The following TMEM273 variants were observed in gnomAD, a reference collection of about 807,000 sequenced individuals.
The protein encoded by TMEM273 is chromosome 10 open reading frame 128.
In TMEM273, 19 loss-of-function variants were observed where a neutral mutation model predicts 17.9. The observed-to-expected ratio is 1.06, with a 90% CI of 0.74 to 1.55. The LOEUF (loss-of-function observed/expected upper bound fraction) is 1.55. Ranked by LOEUF, TMEM273 falls within the 40% of genes most tolerant of loss-of-function variation. The pLI, the probability that TMEM273 is intolerant of heterozygous loss-of-function variation, is 0.00. For missense variants in TMEM273, 194 were observed against 155.6 expected (o/e 1.25, Z -1.31); for synonymous variants, 66 against 62.0 (o/e 1.07, Z -0.31).
intron 1 of TMEM273, among the ~76,000 whole-genome samples, chr10:49,181,387 A>G (rs948605127): frequency 2.6e-5 from 4 of 152,240 alleles, no homozygotes; most frequent in African/African-American, 9.6e-5. Flanking sequence ...TGGAAAGATA[A>G]AGGAAAGAGA....
intron 2 of TMEM273, among the ~76,000 whole-genome samples, chr10:49,167,243 C>T (rs1282053648): frequency 6.6e-6 from 1 of 152,230 alleles, no homozygotes; most frequent in Non-Finnish European, 1.5e-5. Context: ...CTGAAGCTCA[C>T]CTGGCTACCC....
Position 49,155,304 on chromosome 10 carries a change from A to T in TMEM273, c.*588T>A, listed in dbSNP as rs995020716. On this transcript the variant is annotated 3_prime_UTR_variant, in exon 7 of 7. Coordinates refer to ENST00000374153, the MANE Select transcript of TMEM273 (RefSeq NM_001288740.3). ...CATGAACACCAAAGCCCTTCCTACC[A>T]CGCCAGCCCAGACTGCCATTTCCCC... is the stretch of plus-strand genomic sequence containing the variant. 1 of 153,438 alleles carries T rather than the reference A, an allele frequency of 6.5e-6. No individual in the cohort carries two copies. Among genetic ancestry groups the T allele is most frequent in the Non-Finnish European group, 1.5e-5 (1 of 68,958 alleles). The allele number at this position is 153,438 out of a possible 1,614,324, so 9.5% of individuals were successfully genotyped here.
Position 49,167,135 on chromosome 10 carries a change from C to T in TMEM273, c.98-126G>A. On this transcript the variant is annotated intron_variant, in intron 2 of 6. Transcript: ENST00000374153. ...ACCTCCCACTGGCTGAGGCCAGCCT[C>T]ACCTTCTACTCTCCCATGAGTCCCT... 5.4e-6 allele frequency: 7 copies of T among 1,293,938 alleles called. No homozygotes were observed. In the South Asian group the frequency reaches 9.9e-5, roughly 18 times the overall value. The allele number at this position is 1,293,938 out of a possible 1,614,324, so 80.2% of individuals were successfully genotyped here.
chr10:49,169,092 C>T (rs1026661653), intron 1 of TMEM273, among the ~76,000 whole-genome samples: 2 of 152,168 alleles, frequency 1.3e-5, no homozygotes, highest in South Asian at 2.1e-4. Context: ...GGCCTACAGA[C>T]GTGAATGTGA....
chr10:49,170,418 G>C (rs906853642), intron 1 of TMEM273, among the ~76,000 whole-genome samples: 1 of 152,066 alleles, frequency 6.6e-6, no homozygotes, highest in Non-Finnish European at 1.5e-5. Context: ...GGGACCCCTG[G>C]CTGAGGTTCA....
rs77247121 is a variant in TMEM273 at position 49,167,830 on chromosome 10, C to T, written c.97+79G>A. The T allele has an allele frequency of 6.5e-4, 1,014 of 1,558,628 alleles. 5 individuals carry two copies. In the African/African-American group the frequency reaches 0.012, roughly 19 times the overall value. ...CAGCAGGGAACCAATTCCAGCACTGCGGCCCTCTGCTTGCTTGTCTTGGGA... is the reference window on the plus strand; with the variant it reads ...CAGCAGGGAACCAATTCCAGCACTGTGGCCCTCTGCTTGCTTGTCTTGGGA... On this transcript the variant is annotated intron_variant, in intron 2 of 6. Coordinates refer to ENST00000374153, the MANE Select transcript of TMEM273 (RefSeq NM_001288740.3).
rs142541842 is a variant in TMEM273, at chr10:49,173,422, A to G, written c.44-5460T>C. Among the ~76,000 whole-genome samples the G allele has an allele frequency of 0.01, 1,535 of 152,296 alleles. 66 individuals carry two copies. In the South Asian group the frequency reaches 0.14, roughly 14 times the overall value. ...CCACACAAGCTGGACTGGGATGTGCAAGCCATGCAACACACACGGCTCCTG... is the reference window on the plus strand; with the variant it reads ...CCACACAAGCTGGACTGGGATGTGCGAGCCATGCAACACACACGGCTCCTG... On this transcript the variant is annotated intron_variant, in intron 1 of 6. Coordinates refer to ENST00000374153, the MANE Select transcript of TMEM273 (RefSeq NM_001288740.3).
chr10:49,173,330 G>A (rs150375116), intron 1 of TMEM273, among the ~76,000 whole-genome samples: 39 of 152,296 alleles, frequency 2.6e-4, no homozygotes, highest in African/African-American at 9.1e-4. Context: ...CTGAGAGGGC[G>A]TCACTGGAGA....
At chr10:49,164,758 G>C (rs770281242) in intron 5 of TMEM273, among the ~76,000 whole-genome samples, 1 of 152,008 alleles carries the variant, frequency 6.6e-6, no homozygotes, top group Non-Finnish European at 1.5e-5. Context: ...AGGCTCCCCT[G>C]CACCTCCTAG....
chr10:49,173,610 C>T (rs919898602), intron 1 of TMEM273, among the ~76,000 whole-genome samples: 2 of 152,178 alleles, frequency 1.3e-5, no homozygotes, highest in African/African-American at 4.8e-5. Flanking sequence ...GCACTGTTGG[C>T]CCCAGTCTGC....
At chr10:49,177,236 G>A (rs935998062) in intron 1 of TMEM273, among the ~76,000 whole-genome samples, 7 of 152,228 alleles carry the variant, frequency 4.6e-5, no homozygotes, top group African/African-American at 7.2e-5. Flanking sequence ...ACCACCAGGT[G>A]GAGGGATCAG....
chr10:49,162,272 C>T (rs1845892154), intron 5 of TMEM273, among the ~76,000 whole-genome samples: 1 of 152,142 alleles, frequency 6.6e-6, no homozygotes, highest in Admixed American at 6.5e-5. Context: ...GTGTCAGAGT[C>T]CATCATGAAT....
chr10:49,164,550 G>C (rs2132130202), intron 5 of TMEM273, among the ~76,000 whole-genome samples: 1 of 152,264 alleles, frequency 6.6e-6, no homozygotes, highest in Non-Finnish European at 1.5e-5. Flanking sequence ...AGACTCCTTT[G>C]CTTAACACAA....
At chr10:49,185,951 C>T (rs1847639837) in intron 1 of TMEM273, among the ~76,000 whole-genome samples, 2 of 150,720 alleles carry the variant, frequency 1.3e-5, no homozygotes, top group South Asian at 4.2e-4. Flanking sequence ...GCACTCCAGC[C>T]TGGGCAACAA....
chr10:49,177,014 AG>A (rs1014426008), intron 1 of TMEM273, among the ~76,000 whole-genome samples: 3 of 152,106 alleles, frequency 2.0e-5, no homozygotes, highest in Non-Finnish European at 4.4e-5. Context: ...CCCCTTCCAG[AG>A]GGGGAGGTGC....
At chr10:49,173,260 T>C (rs192104774) in intron 1 of TMEM273, among the ~76,000 whole-genome samples, 34 of 152,366 alleles carry the variant, frequency 2.2e-4, no homozygotes, top group African/African-American at 7.9e-4. Context: ...CTTACTCTTA[T>C]CTGAGCTCGG....
intron 1 of TMEM273, among the ~76,000 whole-genome samples, chr10:49,173,004 G>C (rs1846683768): frequency 2.0e-5 from 3 of 152,216 alleles, no homozygotes; most frequent in Non-Finnish European, 4.4e-5. Flanking sequence ...ATTCAGACCA[G>C]TGACACCTAA....
chr10:49,165,118 A>C, intron 5 of TMEM273, 87 bp downstream of exon 5: 1 of 1,449,318 alleles, frequency 6.9e-7, no homozygotes, highest in South Asian at 1.4e-5. Flanking sequence ...TATATCGTAT[A>C]GCATCAACTA....
chr10:49,187,380 C>A (rs1343825323), intron 1 of TMEM273, among the ~76,000 whole-genome samples: 1 of 152,192 alleles, frequency 6.6e-6, no homozygotes, highest in Non-Finnish European at 1.5e-5. Context: ...ACTAACTTTG[C>A]CCGCATTCAG....
Sources: gnomAD v4.1 joint callset for allele counts (sites outside exome capture counted in the v4.1 genomes callset) on GRCh38, gnomAD v4.1.1 for gene constraint, MANE v1.5 for transcripts, NCBI Gene and HGNC (gene_info 2026-07-23, HGNC 2026-07-21) for gene names.